Variants in CACHD1 observed in about 807,000 individuals in gnomAD.
CACHD1 encodes the protein cache domain containing 1.
Under a neutral mutation model 138.7 loss-of-function variants are expected in CACHD1, and 71 were observed. The observed-to-expected ratio is 0.51, with a 90% confidence interval of 0.42 to 0.62. CACHD1 has a LOEUF of 0.62. CACHD1 is among the 20% of genes least tolerant of loss of function. The pLI, the probability that CACHD1 is intolerant of heterozygous loss-of-function variation, is 0.00. For synonymous variants in CACHD1, 578 were observed against 591.5 expected, an observed-to-expected ratio of 0.98 and a Z score of 0.33; for missense variants, 1,389 against 1,625.3, an observed-to-expected ratio of 0.85 and a Z score of 2.50.
At chr1:64,681,541 G>GTTT (rs57993424) in intron 25 of CACHD1, among the ~76,000 whole-genome samples, 117 of 68,130 alleles carry the variant, frequency 1.7e-3, no homozygotes, top group Non-Finnish European at 2.5e-3. Flanking sequence ...ATTTTATTGT[G>GTTT]TTTTTTTTTT....
At chr1:64,481,250 A>G (rs1331743909) in intron 1 of CACHD1, among the ~76,000 whole-genome samples, 2 of 152,176 alleles carry the variant, frequency 1.3e-5, no homozygotes, top group African/African-American at 4.8e-5. Context: ...AACAGTTATT[A>G]TAAAGATGCA....
intron 1 of CACHD1, among the ~76,000 whole-genome samples, chr1:64,477,913 C>T (rs1179221335): frequency 1.3e-5 from 2 of 151,904 alleles, no homozygotes; most frequent in Admixed American, 6.6e-5. Context: ...GGATTACAGG[C>T]GTGAGCCACC....
chr1:64,692,323 G>A lies in CACHD1; in HGVS notation c.*762G>A, dbSNP rs759726771. ...CTCTGACTTGTTTACATCATTTCAC[G>A]GAAACACATCTTTGTTTGTAATGCA... On this transcript the variant is annotated 3_prime_UTR_variant, in exon 27 of 27. Transcript: ENST00000651257. The A allele has an allele frequency of 4.6e-5, 7 of 152,210 alleles. No individual in the cohort carries two copies. The South Asian group carries it at 8.3e-4, about 18-fold the overall frequency. The allele number at this position is 152,210 out of a possible 1,614,324, so 9.4% of individuals were successfully genotyped here.
chr1:64,491,244 T>A (rs1646272783), intron 1 of CACHD1, among the ~76,000 whole-genome samples: 1 of 148,918 alleles, frequency 6.7e-6, no homozygotes, highest in Non-Finnish European at 1.5e-5. Context: ...AAGGACTGCT[T>A]CCTCTCTCTC....
chr1:64,626,875 A>C (rs1436373625), intron 4 of CACHD1, among the ~76,000 whole-genome samples: 4 of 152,134 alleles, frequency 2.6e-5, no homozygotes, highest in African/African-American at 9.7e-5. Flanking sequence ...TGTGATAATT[A>C]ATTGAAAGTT....
intron 1 of CACHD1, among the ~76,000 whole-genome samples, chr1:64,520,561 T>C (rs1184474971): frequency 6.6e-6 from 1 of 152,192 alleles, no homozygotes; most frequent in African/African-American, 2.4e-5. Flanking sequence ...ATGCAATATC[T>C]CATTACCTAT....
At chr1:64,559,833 T>C (rs563692784) in intron 2 of CACHD1, among the ~76,000 whole-genome samples, 2 of 152,278 alleles carry the variant, frequency 1.3e-5, no homozygotes, top group East Asian at 3.9e-4. Flanking sequence ...TTAATAGATA[T>C]AGATAGAGTT....
At chr1:64,578,093 C>T (rs765747150) in intron 2 of CACHD1, among the ~76,000 whole-genome samples, 12 of 152,184 alleles carry the variant, frequency 7.9e-5, no homozygotes, top group Non-Finnish European at 1.3e-4. Flanking sequence ...CAGAAATTCT[C>T]AGCCTGTGTG....
At chr1:64,594,181 G>A (rs1326361534) in intron 3 of CACHD1, among the ~76,000 whole-genome samples, 2 of 151,458 alleles carry the variant, frequency 1.3e-5, no homozygotes, top group African/African-American at 4.9e-5. Context: ...TTGAACTCGG[G>A]AGGCAGAGGT....
intron 12 of CACHD1, among the ~76,000 whole-genome samples, chr1:64,655,617 A>G (rs1332829326): frequency 6.6e-6 from 1 of 152,164 alleles, no homozygotes; most frequent in Non-Finnish European, 1.5e-5. Context: ...TGTGGCACCC[A>G]TTTCTGCTTT....
chr1:64,671,534 A>G (rs752459364), intron 16 of CACHD1, 30 bp from the exon 17 acceptor site: 5 of 1,612,896 alleles, frequency 3.1e-6, no homozygotes, highest in African/African-American at 1.3e-5. Flanking sequence ...AGCCATGCCT[A>G]TTGTTCTCAT....
chr1:64,556,369 C>T (rs1365712660), intron 2 of CACHD1, among the ~76,000 whole-genome samples: 1 of 152,196 alleles, frequency 6.6e-6, no homozygotes, highest in Non-Finnish European at 1.5e-5. Context: ...AGCTCACAAC[C>T]TTTAGGTGAA....
intron 13 of CACHD1, among the ~76,000 whole-genome samples, chr1:64,660,152 A>T (rs1649394233): frequency 6.6e-6 from 1 of 152,234 alleles, no homozygotes; most frequent in South Asian, 2.1e-4. Context: ...CTTTACTGAA[A>T]CACTGATGTG....
intron 1 of CACHD1, among the ~76,000 whole-genome samples, chr1:64,476,780 C>CTTTGTTCTAACACAATCCGCTTTAA (rs1646176714): frequency 6.6e-6 from 1 of 152,102 alleles, no homozygotes; most frequent in Non-Finnish European, 1.5e-5. Context: ...GCCAATAGTA[C>CTTTGTTCTAACACAATCCGCTTTAA]TTGAGTCTGG....
intron 3 of CACHD1, among the ~76,000 whole-genome samples, chr1:64,590,076 G>A (rs1647085644): frequency 6.6e-6 from 1 of 152,130 alleles, no homozygotes; most frequent in Non-Finnish European, 1.5e-5. Context: ...GGGAGGCTGA[G>A]GTGGGCGGAT....
intron 1 of CACHD1, among the ~76,000 whole-genome samples, chr1:64,539,079 A>G (rs1161047007): frequency 6.6e-6 from 1 of 152,146 alleles, no homozygotes; most frequent in Non-Finnish European, 1.5e-5. Context: ...AGAGCCTCTC[A>G]AGCATCATAC....
At chr1:64,532,695 G>T (rs1646597351) in intron 1 of CACHD1, among the ~76,000 whole-genome samples, 1 of 152,166 alleles carries the variant, frequency 6.6e-6, no homozygotes, top group South Asian at 2.1e-4. Context: ...AGGACTTGGG[G>T]TTTTACTGTG....
At chr1:64,476,104 AAGCAGCAGCAGC>A (rs57837863) in intron 1 of CACHD1, among the ~76,000 whole-genome samples, 6 of 151,126 alleles carry the variant, frequency 4.0e-5, no homozygotes, top group Admixed American at 2.6e-4. Context: ...GTCCTGAAGG[AAGCAGCAGCAGC>A]AGCAGCAGCA....
At chr1:64,610,930 A>C (rs1041699925) in intron 4 of CACHD1, among the ~76,000 whole-genome samples, 1 of 152,166 alleles carries the variant, frequency 6.6e-6, no homozygotes, top group African/African-American at 2.4e-5. Flanking sequence ...GTTTCCATAC[A>C]TCCTCTGAAA....
Sources: allele counts gnomAD v4.1 joint callset (sites outside exome capture counted in the v4.1 genomes callset), GRCh38; gene constraint gnomAD v4.1.1; transcripts MANE v1.5; gene names NCBI Gene and HGNC (gene_info 2026-07-23, HGNC 2026-07-21).